The following FREM3 variants were observed in gnomAD, a reference collection of about 807,000 sequenced individuals.
The protein encoded by FREM3 is FRAS1-related extracellular matrix protein 3.
A neutral mutation model predicts 129.1 loss-of-function variants in FREM3; 105 were observed. The ratio of observed to expected loss-of-function variants is 0.81; its 90% CI spans 0.69 to 0.96. FREM3 has a LOEUF of 0.96. FREM3 is among the 40% of genes least tolerant of loss of function. FREM3 has a pLI of 0.00. For missense variants in FREM3, 2,593 were observed against 2,666.3 expected, an observed-to-expected ratio of 0.97 and a Z score of 0.61; for synonymous variants, 1,014 against 1,044.9, an observed-to-expected ratio of 0.97 and a Z score of 0.57.
intron 5 of FREM3, among the ~76,000 whole-genome samples, chr4:143,618,030 G>A (rs1057105047): frequency 4.6e-5 from 7 of 152,142 alleles, no homozygotes; most frequent in Admixed American, 2.0e-4. Flanking sequence ...AGATGAGATG[G>A]TAAACAGCCC....
At chr4:143,591,999 CTTCT>C (rs1266225570) in intron 6 of FREM3, among the ~76,000 whole-genome samples, 5 of 152,256 alleles carry the variant, frequency 3.3e-5, no homozygotes, top group African/African-American at 1.2e-4. Context: ...ATGTAATGGC[CTTCT>C]TTGTCTCTTT....
At chr4:143,689,382 G>A (rs1223678437) in intron 2 of FREM3, among the ~76,000 whole-genome samples, 2 of 151,992 alleles carry the variant, frequency 1.3e-5, no homozygotes, top group African/African-American at 4.8e-5. Context: ...AAAAAAAGCA[G>A]TAGATTTTGG....
At chr4:143,592,175 G>C (rs1040510394) in intron 6 of FREM3, among the ~76,000 whole-genome samples, 1 of 151,858 alleles carries the variant, frequency 6.6e-6, no homozygotes, top group Non-Finnish European at 1.5e-5. Flanking sequence ...GCACACTGGT[G>C]GGTCTTGACG....
intron 5 of FREM3, among the ~76,000 whole-genome samples, chr4:143,617,420 GT>G (rs1344578194): frequency 1.3e-5 from 2 of 152,176 alleles, no homozygotes; most frequent in Non-Finnish European, 2.9e-5. Context: ...TGGTGCCAAG[GT>G]TGAGAAGAGG....
chr4:143,662,301 T>C (rs538990521), intron 2 of FREM3, among the ~76,000 whole-genome samples: 46 of 152,312 alleles, frequency 3.0e-4, no homozygotes, highest in African/African-American at 1.1e-3. Context: ...TTTGTTCTCA[T>C]TGGTTTCAAA....
intron 2 of FREM3, among the ~76,000 whole-genome samples, chr4:143,685,702 A>C (rs1180835462): frequency 2.6e-5 from 4 of 152,226 alleles, no homozygotes; most frequent in Non-Finnish European, 2.9e-5. Flanking sequence ...TCAATGATCT[A>C]AATGCTCCAC....
At chr4:143,658,704 G>A (rs114134576) in intron 2 of FREM3, among the ~76,000 whole-genome samples, 30 of 152,318 alleles carry the variant, frequency 2.0e-4, no homozygotes, top group African/African-American at 7.0e-4. Context: ...AAAACATTAT[G>A]AGAATTTCTT....
intron 7 of FREM3, among the ~76,000 whole-genome samples, chr4:143,582,345 C>G (rs1477433573): frequency 6.6e-6 from 1 of 152,050 alleles, no homozygotes; most frequent in Non-Finnish European, 1.5e-5. Context: ...AAGAGCCTGC[C>G]TACCAGCCGT....
rs1740679341 is a variant in FREM3, at chr4:143,700,505, G to C, written c.171C>G (p.Pro57=). 2.0e-6 allele frequency: 3 copies of C among 1,516,312 alleles called. No individual in the cohort carries two copies. The highest frequency in any genetic ancestry group is 2.6e-6 in the Non-Finnish European group (3 of 1,135,048). The allele number at this position is 1,516,312 out of a possible 1,614,324, so 93.9% of individuals were successfully genotyped here. A position where few individuals can be genotyped will look rare whatever the true frequency, so the allele number is the denominator to read the frequency against. ...PARGALDGTR[P]DGPSVLIANP... ...TGGCAATCAGCACGCTGGGGCCGTC[G>C]GGGCGAGTGCCGTCAAGCGCACCCC... Residue 57 remains proline, a synonymous_variant, in exon 1 of 8, where the codon CCC becomes CCG. Coordinates refer to ENST00000329798, the MANE Select transcript of FREM3 (RefSeq NM_001168235.2).
intron 2 of FREM3, among the ~76,000 whole-genome samples, chr4:143,672,416 C>T (rs957927925): frequency 5.3e-5 from 8 of 152,188 alleles, no homozygotes; most frequent in African/African-American, 1.9e-4. Flanking sequence ...GGACCTCAAC[C>T]ACTTGTCTGC....
intron 5 of FREM3, among the ~76,000 whole-genome samples, chr4:143,613,073 T>C (rs1030704521): frequency 2.0e-5 from 3 of 152,234 alleles, no homozygotes; most frequent in Non-Finnish European, 4.4e-5. Context: ...GATAGTGGGC[T>C]CCAACCGACT....
intron 6 of FREM3, among the ~76,000 whole-genome samples, chr4:143,601,222 C>G (rs1337452105): frequency 6.6e-6 from 1 of 152,062 alleles, no homozygotes; most frequent in Non-Finnish European, 1.5e-5. Context: ...GGTCCATAAC[C>G]ACATTTTCAA....
Position 143,597,621 on chromosome 4 carries a change from A to G in FREM3, c.6029-11628T>C, listed in dbSNP as rs191706724. ...AAATCACTAGCATTTCTTTATACTA[A>G]TAACAAACTATCTGAAAAGAAAATT... is the stretch of plus-strand genomic sequence containing the variant. On this transcript the variant is annotated intron_variant, in intron 6 of 7. Transcript: ENST00000329798. Among the ~76,000 whole-genome samples the G allele has an allele frequency of 2.6e-5, 4 of 152,356 alleles. No individual in the cohort carries two copies. The East Asian group carries it at 7.7e-4, about 29-fold the overall frequency.
intron 7 of FREM3, among the ~76,000 whole-genome samples, chr4:143,580,281 G>A (rs1177419058): frequency 6.6e-6 from 1 of 152,146 alleles, no homozygotes; most frequent in Admixed American, 6.5e-5. Context: ...ATAGAAGAGT[G>A]AGACAGGACG....
At position 143,700,495 on chromosome 4, in the gene FREM3, TG is replaced by T. The variant is rs1740679030; in HGVS notation, c.180del (p.Ser61AlafsTer3). 6.6e-7 allele frequency: 1 copy of T among 1,512,618 alleles called. No individual in the cohort carries two copies. The highest frequency in any genetic ancestry group is 8.8e-7 in the Non-Finnish European group (1 of 1,133,522). The allele number at this position is 1,512,618 out of a possible 1,614,324, so 93.7% of individuals were successfully genotyped here. On this transcript the variant is annotated frameshift_variant, in exon 1 of 8. Transcript: ENST00000329798. LOFTEE classifies it high-confidence loss of function. ...AGTCCAGGGTTGGCAATCAGCACGC[TG>T]GGGCCGTCGGGGCGAGTGCCGTCAA... is the stretch of plus-strand genomic sequence containing the variant. ...GALDGTRPDG[P>X]SVLIANPGLR...
intron 3 of FREM3, among the ~76,000 whole-genome samples, chr4:143,624,753 C>T (rs972897019): frequency 6.6e-6 from 1 of 151,906 alleles, no homozygotes; most frequent in Non-Finnish European, 1.5e-5. Flanking sequence ...GATCTTTGAC[C>T]GTTGTGTTCA....
chr4:143,683,131 T>C (rs75217937), intron 2 of FREM3, among the ~76,000 whole-genome samples: 2,153 of 152,264 alleles, frequency 0.014, 56 homozygotes, highest in African/African-American at 0.049. Context: ...CATGCGGTCT[T>C]GAGGTTTTAA....
chr4:143,584,403 G>A lies in FREM3; in HGVS notation c.6178+1441C>T, dbSNP rs1176254676. Among the ~76,000 whole-genome samples, 6 of 122,706 alleles carry A rather than the reference G, an allele frequency of 4.9e-5. No homozygotes were observed. In the East Asian group the frequency reaches 1.1e-3, roughly 23 times the overall value. The allele number at this position is 122,706 out of a possible 152,430, so 80.5% of individuals were successfully genotyped here. ...CGCAGTCCGGCCTGGGCGACAGAGC[G>A]AGACTCCGTCTCAAAAAAAAAAAAA... On this transcript the variant is annotated intron_variant, in intron 7 of 7. Transcript: ENST00000329798.
chr4:143,635,813 G>A (rs1739223707), intron 2 of FREM3, among the ~76,000 whole-genome samples: 1 of 152,146 alleles, frequency 6.6e-6, no homozygotes, highest in South Asian at 2.1e-4. Flanking sequence ...ATATAAAACT[G>A]TTTTCCATGT....
Sources: allele counts gnomAD v4.1 joint callset (sites outside exome capture counted in the v4.1 genomes callset), GRCh38; gene constraint gnomAD v4.1.1; transcripts MANE v1.5; gene names NCBI Gene and HGNC (gene_info 2026-07-23, HGNC 2026-07-21).